Variants in PSMG1 observed in about 807,000 individuals in gnomAD.
PSMG1 encodes the protein proteasome assembly chaperone 1.
A neutral mutation model predicts 37.2 loss-of-function variants in PSMG1; 23 were observed. That is an observed-to-expected ratio of 0.62 (90% CI 0.44 to 0.88). The LOEUF (loss-of-function observed/expected upper bound fraction) is 0.88. Ranked by LOEUF, PSMG1 falls within the 40% of genes least tolerant of loss-of-function variation. The pLI is 0.00. For missense variants in PSMG1, 340 were observed against 344.2 expected (o/e 0.99, Z 0.10); for synonymous variants, 127 against 128.0 (o/e 0.99, Z 0.05).
At chr21:39,180,247 T>C (rs1569143044) in intron 3 of PSMG1, 38 bp downstream of exon 3, 5 of 1,555,882 alleles carry the variant, frequency 3.2e-6, no homozygotes, top group East Asian at 2.3e-5. Flanking sequence ...TAAGTGATAC[T>C]TAAATAACTG....
At chr21:39,183,170 C>A (rs1378607108) in intron 1 of PSMG1, 82 bp downstream of exon 1, 5 of 1,414,600 alleles carry the variant, frequency 3.5e-6, no homozygotes, top group Middle Eastern at 2.1e-4. Flanking sequence ...CGCGGAGCCC[C>A]GGCCTTAGGC....
intron 1 of PSMG1, 122 bp downstream of exon 1, chr21:39,183,130 G>T: frequency 8.0e-7 from 1 of 1,256,826 alleles, no homozygotes; most frequent in Non-Finnish European, 1.0e-6. Flanking sequence ...GCCAAGGAGC[G>T]GCGGCAACCG....
At chr21:39,182,726 CT>C (rs2030895218) in intron 1 of PSMG1, among the ~76,000 whole-genome samples, 1 of 152,078 alleles carries the variant, frequency 6.6e-6, no homozygotes, top group African/African-American at 2.4e-5. Flanking sequence ...TTTTCTCCCA[CT>C]TTTTTGTGTT....
intron 3 of PSMG1, 146 bp downstream of exon 3, chr21:39,180,139 G>A (rs2030772492): frequency 8.0e-7 from 1 of 1,244,830 alleles, no homozygotes; most frequent in Non-Finnish European, 1.1e-6. Context: ...AAATTTAACA[G>A]TCAAACCACT....
intron 4 of PSMG1, among the ~76,000 whole-genome samples, chr21:39,179,027 C>T (rs1026759931): frequency 1.3e-5 from 2 of 152,150 alleles, no homozygotes; most frequent in African/African-American, 4.8e-5. Flanking sequence ...TACGTGACTT[C>T]TCACTTCTCG....
At chr21:39,182,754 A>T (rs1481351615) in intron 1 of PSMG1, among the ~76,000 whole-genome samples, 1 of 152,104 alleles carries the variant, frequency 6.6e-6, no homozygotes, top group African/African-American at 2.4e-5. Context: ...CAATTTTTTT[A>T]AAGCGTGTTC....
At chr21:39,176,075 C>T (rs1290972579) in intron 6 of PSMG1, among the ~76,000 whole-genome samples, 1 of 152,150 alleles carries the variant, frequency 6.6e-6, no homozygotes, top group East Asian at 1.9e-4. Flanking sequence ...TAAACTGCCA[C>T]ACAGGAAGAA....
Position 39,183,386 on chromosome 21 carries a change from A to C in PSMG1, c.-1T>G. The C allele has an allele frequency of 6.3e-7, 1 of 1,576,476 alleles. No homozygotes were observed. The highest frequency in any genetic ancestry group is 1.2e-5 in the South Asian group (1 of 86,552). ...CCTCTCCGAAGAACGTGGCCGCCAT[A>C]GCCGCCCCGTGACCGGCTGGACACA... On this transcript the variant is annotated 5_prime_UTR_variant, in exon 1 of 7. Transcript: ENST00000331573.
chr21:39,183,506 C>T, upstream of PSMG1: 3 of 1,248,464 alleles, frequency 2.4e-6, no homozygotes, highest in Non-Finnish European at 3.2e-6. Flanking sequence ...CCACGCCCTC[C>T]GCGCACAGCC....
At chr21:39,182,071 G>A (rs1205307839) in intron 1 of PSMG1, among the ~76,000 whole-genome samples, 193 bp from the exon 2 acceptor site, 2 of 152,194 alleles carry the variant, frequency 1.3e-5, no homozygotes, top group East Asian at 1.9e-4. Flanking sequence ...CGTGTTTACG[G>A]AGAACTCTAA....
rs190149261 is a variant in PSMG1, at chr21:39,175,922, G to C, written c.793-258C>G. ...CTGGAGGAAGTCTATGCTCTAACCC[G>C]CCCGACCTTCCCCACAAGATGTCTT... On this transcript the variant is annotated intron_variant, in intron 6 of 6. Transcript: ENST00000331573. Among the ~76,000 whole-genome samples the C allele has an allele frequency of 2.9e-4, 44 of 151,974 alleles. No individual in the cohort carries two copies. In the East Asian group the frequency reaches 6.0e-3, roughly 21 times the overall value.
rs2030836591 is a variant in PSMG1, at chr21:39,181,808, A to G, written c.205T>C (p.Ser69Pro). Residue 69 changes from serine to proline, a missense_variant, in exon 2 of 7, where the codon TCC becomes CCC. By Grantham distance (74) the Ser-to-Pro change is moderately conservative (BLOSUM62 -1). Coordinates refer to ENST00000331573, the MANE Select transcript of PSMG1 (RefSeq NM_003720.4). ...TTTCCTATAGCAATTATAAACTTGG[A>G]GCACGGATATTTTTCTAGCAAAGAA... ...EVSLLEKYPC[S>P]KFIIAIGNNA... 5.6e-6 allele frequency: 9 copies of G among 1,593,946 alleles called. No homozygotes were observed. The highest frequency in any genetic ancestry group is 7.7e-6 in the Non-Finnish European group (9 of 1,173,466).
At chr21:39,182,790 T>C (rs185067733) in intron 1 of PSMG1, among the ~76,000 whole-genome samples, 168 of 152,258 alleles carry the variant, frequency 1.1e-3, no homozygotes, top group African/African-American at 3.7e-3. Flanking sequence ...ATCATGCTAA[T>C]TGAAGTGTTG....
intron 5 of PSMG1, among the ~76,000 whole-genome samples, chr21:39,178,177 C>T (rs755128991): frequency 1.1e-4 from 16 of 152,174 alleles, no homozygotes; most frequent in Non-Finnish European, 1.9e-4. Flanking sequence ...TTAACACTGG[C>T]TTGCATTCTG....
At chr21:39,182,038 C>A (rs1316084673) in intron 1 of PSMG1, among the ~76,000 whole-genome samples, 160 bp from the exon 2 acceptor site, 1 of 152,124 alleles carries the variant, frequency 6.6e-6, no homozygotes, top group Non-Finnish European at 1.5e-5. Flanking sequence ...ACAATGATAA[C>A]CAACAGATAA....
intron 1 of PSMG1, 158 bp downstream of exon 1, chr21:39,183,094 T>C (rs1354459686): frequency 1.1e-6 from 1 of 939,978 alleles, no homozygotes; most frequent in East Asian, 3.3e-5. Flanking sequence ...CGCCGCGGCT[T>C]CACGGAGACC....
rs377036386 is a variant in PSMG1 at position 39,183,283 on chromosome 21, T to C, written c.103A>G (p.Arg35Gly). The C allele has an allele frequency of 6.3e-7, 1 of 1,589,772 alleles. No homozygotes were observed. The highest frequency in any genetic ancestry group is 1.4e-5 in the African/African-American group (1 of 72,882). ...EEGRRETPEDREVRLQLARKR... is the reference protein window; with the variant it reads ...EEGRRETPEDGEVRLQLARKR... ...CGCGCCAGCTGCAGACGCACCTCCC[T>C]GTCCTCGGGCGTCTCCCTCCGCCCC... Residue 35 changes from arginine to glycine, a missense_variant, in exon 1 of 7, where the codon AGG (arginine) becomes GGG (glycine). Coordinates refer to ENST00000331573, the MANE Select transcript of PSMG1 (RefSeq NM_003720.4).
At chr21:39,179,284 A>G (rs928234776) in intron 4 of PSMG1, among the ~76,000 whole-genome samples, 1 of 152,166 alleles carries the variant, frequency 6.6e-6, no homozygotes, top group African/African-American at 2.4e-5. Flanking sequence ...ACACAAGAAT[A>G]GATGAACACG....
At chr21:39,181,708 G>T in intron 2 of PSMG1, 64 bp downstream of exon 2, 2 of 1,118,668 alleles carry the variant, frequency 1.8e-6, no homozygotes, top group Non-Finnish European at 2.5e-6. Flanking sequence ...CTTTTATGAT[G>T]GAAGAAAATA....
Sources: allele counts gnomAD v4.1 joint callset (sites outside exome capture counted in the v4.1 genomes callset), GRCh38; gene constraint gnomAD v4.1.1; transcripts MANE v1.5; gene names NCBI Gene and HGNC (gene_info 2026-07-23, HGNC 2026-07-21).